Variants in SKIC8 observed in about 807,000 individuals in gnomAD.
SKIC8 encodes the protein superkiller complex protein 8.
At chr15:78,290,185 C>T in the SKIC8 span, 2 of 1,402,812 alleles carry the variant, frequency 1.4e-6, no homozygotes, top group East Asian at 2.5e-5. Context: ...AAGGATACAT[C>T]TTTTTAAATC....
the SKIC8 span, chr15:78,295,759 G>A: frequency 4.7e-6 from 7 of 1,495,550 alleles, no homozygotes; most frequent in African/African-American, 8.4e-5. Context: ...CAGTGAGGGG[G>A]TGTCATCAGG....
At chr15:78,291,189 C>T in the SKIC8 span, 66,760 of 151,920 alleles carry the variant, frequency 0.44, 15,561 homozygotes, top group East Asian at 0.59. Context: ...TAGATACATA[C>T]GCCATCCTTT....
the SKIC8 span, chr15:78,295,524 C>G: frequency 1.1e-6 from 1 of 912,290 alleles, no homozygotes; most frequent in African/African-American, 1.6e-5. Flanking sequence ...CCACCTAACA[C>G]TGTGGTGACT....
the SKIC8 span, chr15:78,288,157 G>A: frequency 1.5e-5 from 13 of 866,094 alleles, 1 homozygote; most frequent in South Asian, 5.6e-5. Context: ...GGGGAGGACC[G>A]CCTGGGGAGT....
At chr15:78,287,143 G>A in the SKIC8 span, among the ~76,000 whole-genome samples, 50 of 152,158 alleles carry the variant, frequency 3.3e-4, no homozygotes, top group Admixed American at 1.7e-3. Context: ...TGTGCAAAAT[G>A]GGGACACTAA....
At chr15:78,295,607 G>A in the SKIC8 span, 1 of 1,609,748 alleles carries the variant, frequency 6.2e-7, no homozygotes. Flanking sequence ...TACACATCCA[G>A]AAAACCTACT....
At chr15:78,299,147 C>G in the SKIC8 span, among the ~76,000 whole-genome samples, 4 of 152,194 alleles carry the variant, frequency 2.6e-5, no homozygotes, top group Non-Finnish European at 5.9e-5. Flanking sequence ...TGGCGTAAAG[C>G]GAACCCAGCC....
At chr15:78,288,291 A>G in the SKIC8 span, 3 of 1,613,956 alleles carry the variant, frequency 1.9e-6, no homozygotes, top group Non-Finnish European at 2.5e-6. Flanking sequence ...TAACTTACAC[A>G]TCATAGATCT....
the SKIC8 span, chr15:78,286,112 G>A: frequency 6.2e-7 from 1 of 1,613,392 alleles, no homozygotes; most frequent in Middle Eastern, 1.7e-4. Flanking sequence ...CGCTCAGCGT[G>A]CCAGCCAAAT....
chr15:78,285,211 C>T, the SKIC8 span: 1 of 1,578,812 alleles, frequency 6.3e-7, no homozygotes, highest in South Asian at 1.1e-5. Context: ...CTCTTTGGTA[C>T]AATGGTCAAA....
chr15:78,294,769 TTTGTTG>T, the SKIC8 span: 91 of 505,220 alleles, frequency 1.8e-4, no homozygotes, highest in South Asian at 6.5e-4. Context: ...TGTTCAGGTT[TTTGTTG>T]TTGTTGTTGT....
the SKIC8 span, among the ~76,000 whole-genome samples, chr15:78,294,046 A>C: frequency 7.7e-4 from 118 of 152,300 alleles, no homozygotes; most frequent in African/African-American, 2.6e-3. Context: ...TATGAATATA[A>C]AGGCATTAAA....
chr15:78,288,730 C>A, the SKIC8 span: 1 of 346,712 alleles, frequency 2.9e-6, no homozygotes, highest in Non-Finnish European at 5.6e-6. Context: ...CTATCAAATC[C>A]TTTATTATAG....
chr15:78,296,213 C>T, the SKIC8 span, among the ~76,000 whole-genome samples: 1 of 152,090 alleles, frequency 6.6e-6, no homozygotes, highest in East Asian at 1.9e-4. Flanking sequence ...TGAGAACATC[C>T]TGGCTGACAT....
At chr15:78,286,391 C>G in the SKIC8 span, 4 of 386,378 alleles carry the variant, frequency 1.0e-5, no homozygotes, top group East Asian at 1.2e-4. Flanking sequence ...AAGCAAAGAG[C>G]TGAAGCTCAA....
chr15:78,285,325 C>T, the SKIC8 span: 3 of 1,614,208 alleles, frequency 1.9e-6, no homozygotes, highest in Admixed American at 1.7e-5. Context: ...AACTTTTACA[C>T]TTTTGTCAGA....
chr15:78,289,754 C>A, the SKIC8 span: 1 of 1,585,864 alleles, frequency 6.3e-7, no homozygotes, highest in Non-Finnish European at 8.7e-7. Flanking sequence ...TTTCAGACTC[C>A]GTGTTGTTAA....
chr15:78,285,596 G>A, the SKIC8 span: 1 of 548,312 alleles, frequency 1.8e-6, no homozygotes, highest in Admixed American at 3.1e-5. Context: ...CCAGATGGGA[G>A]GGAGGCCTGT....
chr15:78,294,767 T>A, the SKIC8 span: 648 of 505,878 alleles, frequency 1.3e-3, 1 homozygote, highest in African/African-American at 0.017. Context: ...GTTGTTCAGG[T>A]TTTTGTTGTT....
Sources: allele counts gnomAD v4.1 joint callset (sites outside exome capture counted in the v4.1 genomes callset), GRCh38; gene constraint gnomAD v4.1.1; transcripts MANE v1.5; gene names NCBI Gene and HGNC (gene_info 2026-07-23, HGNC 2026-07-21).